DDX10: variants seen among roughly 807,000 people sequenced by gnomAD.
DDX10 encodes probable ATP-dependent RNA helicase DDX10.
DDX10 carries 74 observed loss-of-function variants against 104.3 expected under a neutral mutation model. The ratio of observed to expected loss-of-function variants is 0.71; its 90% confidence interval spans 0.59 to 0.86. The LOEUF (loss-of-function observed/expected upper bound fraction) is 0.86. Ranked by LOEUF, DDX10 falls within the 40% of genes least tolerant of loss-of-function variation. The pLI is 0.00. For missense variants in DDX10, 952 were observed against 1,040.0 expected (o/e 0.92, Z 1.16); for synonymous variants, 351 against 353.4 (o/e 0.99, Z 0.08).
intron 13 of DDX10, among the ~76,000 whole-genome samples, chr11:108,788,690 C>T (rs74705317): frequency 0.011 from 1,729 of 152,292 alleles, 16 homozygotes; most frequent in Non-Finnish European, 0.018. Flanking sequence ...AAAGTTTTCA[C>T]TGGTGTTGTA....
chr11:108,725,474 C>G (rs916141674), intron 13 of DDX10, among the ~76,000 whole-genome samples: 8 of 152,076 alleles, frequency 5.3e-5, no homozygotes, highest in Admixed American at 6.6e-5. Flanking sequence ...CGTGTCAGCA[C>G]ATGGTATTGT....
chr11:108,834,292 T>TC, intron 13 of DDX10, among the ~76,000 whole-genome samples: 1 of 152,088 alleles, frequency 6.6e-6, no homozygotes, highest in South Asian at 2.1e-4. Flanking sequence ...TAACTATCCA[T>TC]CTATCTCTCC....
chr11:108,843,486 G>A (rs577508077), intron 15 of DDX10, among the ~76,000 whole-genome samples: 67 of 151,006 alleles, frequency 4.4e-4, no homozygotes, highest in African/African-American at 1.2e-3. Context: ...TTGGCTGGGC[G>A]CGGTGGCTCA....
intron 13 of DDX10, among the ~76,000 whole-genome samples, chr11:108,777,336 T>G (rs762968184): frequency 7.2e-5 from 11 of 152,158 alleles, no homozygotes; most frequent in Non-Finnish European, 1.2e-4. Context: ...TTCTTTCTTT[T>G]TCTTTTCTTT....
chr11:108,847,543 A>G (rs1862735910), intron 15 of DDX10, among the ~76,000 whole-genome samples: 1 of 152,216 alleles, frequency 6.6e-6, no homozygotes, highest in Non-Finnish European at 1.5e-5. Flanking sequence ...TCTAGGTTCC[A>G]TTTACTACCA....
chr11:108,903,764 C>A (rs1018423120), intron 16 of DDX10, among the ~76,000 whole-genome samples: 3 of 152,064 alleles, frequency 2.0e-5, no homozygotes, highest in African/African-American at 7.2e-5. Flanking sequence ...CCCACAGATA[C>A]CAAGAGACAA....
At chr11:108,898,317 C>T (rs1327893126) in intron 16 of DDX10, among the ~76,000 whole-genome samples, 1 of 152,020 alleles carries the variant, frequency 6.6e-6, no homozygotes, top group Non-Finnish European at 1.5e-5. Context: ...GAGGTCTTGG[C>T]ATATTCAGAA....
At chr11:108,821,832 C>G (rs775635822) in intron 13 of DDX10, among the ~76,000 whole-genome samples, 3 of 152,184 alleles carry the variant, frequency 2.0e-5, no homozygotes, top group Non-Finnish European at 2.9e-5. Context: ...TAAAAGGAAT[C>G]TAATTAGATT....
intron 13 of DDX10, among the ~76,000 whole-genome samples, chr11:108,784,101 CA>C (rs1197265691): frequency 1.3e-5 from 2 of 152,174 alleles, no homozygotes; most frequent in African/African-American, 2.4e-5. Flanking sequence ...GTGAATAACA[CA>C]ACATTGAATA....
chr11:108,919,007 C>G (rs1863789402), intron 17 of DDX10: 1 of 152,100 alleles, frequency 6.6e-6, no homozygotes, highest in African/African-American at 2.4e-5. Flanking sequence ...CCATAGAGAG[C>G]TATAATTTGT....
At chr11:108,838,593 G>A (rs367546080) in intron 14 of DDX10, 28 bp downstream of exon 14, 19 of 1,592,422 alleles carry the variant, frequency 1.2e-5, no homozygotes, top group Admixed American at 3.5e-5. Context: ...TTTCATTTCT[G>A]AGGTGCATTT....
chr11:108,792,239 T>G (rs1861880445), intron 13 of DDX10, among the ~76,000 whole-genome samples: 1 of 152,182 alleles, frequency 6.6e-6, no homozygotes, highest in South Asian at 2.1e-4. Context: ...CCTGATGGTG[T>G]CCTTTGAAGC....
chr11:108,776,825 G>A (rs1035552249), intron 13 of DDX10, among the ~76,000 whole-genome samples: 1 of 152,206 alleles, frequency 6.6e-6, no homozygotes, highest in African/African-American at 2.4e-5. Flanking sequence ...CTGGCTGACA[G>A]CCAGCAAGAA....
chr11:108,832,545 G>A (rs1370833406), intron 13 of DDX10, among the ~76,000 whole-genome samples: 2 of 152,154 alleles, frequency 1.3e-5, no homozygotes, highest in Admixed American at 6.6e-5. Flanking sequence ...GAAAAATAAT[G>A]CCTTTGAAAA....
chr11:108,874,447 A>G (rs1293691567), intron 16 of DDX10, among the ~76,000 whole-genome samples: 1 of 152,228 alleles, frequency 6.6e-6, no homozygotes, highest in South Asian at 2.1e-4. Context: ...ATTACTCTAC[A>G]TTGGAAAGTA....
At chr11:108,698,493 T>C (rs912001603) in intron 9 of DDX10, among the ~76,000 whole-genome samples, 2 of 152,172 alleles carry the variant, frequency 1.3e-5, no homozygotes, top group African/African-American at 4.8e-5. Flanking sequence ...TCACAGCAAA[T>C]TTATTTTGCA....
chr11:108,937,981 G>T (rs1298314281), intron 17 of DDX10, among the ~76,000 whole-genome samples: 1 of 152,208 alleles, frequency 6.6e-6, no homozygotes, highest in Non-Finnish European at 1.5e-5. Flanking sequence ...AAGATAAAAT[G>T]CAGAGCTCAG....
chr11:108,880,442 C>A (rs74498498), intron 16 of DDX10, among the ~76,000 whole-genome samples: 3,795 of 152,166 alleles, frequency 0.025, 146 homozygotes, highest in African/African-American at 0.084. Context: ...AACAGCATTG[C>A]CTTATGTGTT....
intron 16 of DDX10, among the ~76,000 whole-genome samples, chr11:108,859,265 T>G (rs1344631872): frequency 6.6e-6 from 1 of 152,224 alleles, no homozygotes; most frequent in Non-Finnish European, 1.5e-5. Context: ...CTTGGAGTAT[T>G]AGACCAGATT....
Sources: gnomAD v4.1 joint callset for allele counts (sites outside exome capture counted in the v4.1 genomes callset) on GRCh38, gnomAD v4.1.1 for gene constraint, MANE v1.5 for transcripts, NCBI Gene and HGNC (gene_info 2026-07-23, HGNC 2026-07-21) for gene names.